The following EIF3H variants were observed in gnomAD, a reference collection of about 807,000 sequenced individuals.
The protein encoded by EIF3H is eIF-3-gamma.
In EIF3H, 26 loss-of-function variants were observed where a neutral mutation model predicts 44.2. The ratio of observed to expected loss-of-function variants is 0.59; its 90% confidence interval spans 0.43 to 0.82. The LOEUF (loss-of-function observed/expected upper bound fraction) is 0.82, where lower values mean the gene tolerates loss of function less well. Among genes scored for constraint, EIF3H ranks in the 40% least tolerant of loss-of-function variants. EIF3H has a pLI of 0.00. For synonymous variants in EIF3H, 166 were observed against 151.9 expected (o/e 1.09, Z -0.68); for missense variants, 359 against 432.8 (o/e 0.83, Z 1.51).
rs958631842 is a variant in EIF3H at position 116,644,106 on chromosome 8, C to T, written c.*900G>A. 1 of 152,106 alleles carries T rather than the reference C, an allele frequency of 6.6e-6. No individual in the cohort carries two copies. Among genetic ancestry groups the T allele is most frequent in the Non-Finnish European group, 1.5e-5 (1 of 68,032 alleles). 9.4% of individuals were successfully genotyped at this position (152,106 alleles called of 1,614,324 possible). A position where few individuals can be genotyped will look rare whatever the true frequency, so the allele number is the denominator to read the frequency against. On this transcript the variant is annotated 3_prime_UTR_variant, in exon 8 of 8. Coordinates refer to ENST00000521861, the MANE Select transcript of EIF3H (RefSeq NM_003756.3). Reference sequence around the variant, plus strand: ...TTCTTTTCTTTAAAATTTCTGTGGCCTGTCCAGGAGTGGTGGCTCATGCCT... The same window carrying T: ...TTCTTTTCTTTAAAATTTCTGTGGCTTGTCCAGGAGTGGTGGCTCATGCCT...
intron 5 of EIF3H, among the ~76,000 whole-genome samples, chr8:116,649,628 A>G (rs199672791): frequency 6.6e-6 from 1 of 152,206 alleles, no homozygotes; most frequent in African/African-American, 2.4e-5. Flanking sequence ...ATATATTTTT[A>G]AAATAGCAAG....
At chr8:116,709,596 C>A (rs1308561188) in intron 2 of EIF3H, among the ~76,000 whole-genome samples, 1 of 152,198 alleles carries the variant, frequency 6.6e-6, no homozygotes, top group Non-Finnish European at 1.5e-5. Flanking sequence ...GTCCTCTTAT[C>A]CATACACAAC....
rs201515861 is a variant in EIF3H at position 116,694,784 on chromosome 8, C to T, written c.289+31232G>A. Among the ~76,000 whole-genome samples, 540 of 152,192 alleles carry T rather than the reference C, an allele frequency of 3.5e-3. 4 individuals carry two copies. The highest frequency in any genetic ancestry group is 0.014 in the Middle Eastern group (4 of 294). On this transcript the variant is annotated intron_variant, in intron 2 of 7. Coordinates refer to ENST00000521861, the MANE Select transcript of EIF3H (RefSeq NM_003756.3). Reference sequence around the variant, plus strand: ...CTTCTACCAAAAGAAGTTTTCTTAACACTAAATTATCTTCAGGAGAGATGG... The same window carrying T: ...CTTCTACCAAAAGAAGTTTTCTTAATACTAAATTATCTTCAGGAGAGATGG...
At chr8:116,683,440 A>C (rs551848225) in intron 2 of EIF3H, among the ~76,000 whole-genome samples, 1 of 152,264 alleles carries the variant, frequency 6.6e-6, no homozygotes, top group East Asian at 1.9e-4. Context: ...GCCTCTTCTT[A>C]TAAGGACATG....
intron 2 of EIF3H, among the ~76,000 whole-genome samples, chr8:116,692,447 A>G (rs1003237542): frequency 6.6e-6 from 1 of 152,220 alleles, no homozygotes; most frequent in Non-Finnish European, 1.5e-5. Flanking sequence ...GACCAATTAA[A>G]TCTTCTAATT....
intron 5 of EIF3H, among the ~76,000 whole-genome samples, chr8:116,652,077 A>G (rs563166323): frequency 6.6e-6 from 1 of 152,350 alleles, no homozygotes; most frequent in African/African-American, 2.4e-5. Flanking sequence ...ATGTGTGAGA[A>G]GACAGACCCT....
intron 3 of EIF3H, chr8:116,658,187 A>G (rs1187160477): frequency 6.6e-6 from 1 of 152,136 alleles, no homozygotes; most frequent in Non-Finnish European, 1.5e-5. Flanking sequence ...ATTCATTAGT[A>G]TTTTTTCTGA....
chr8:116,682,156 A>G (rs1814001178), intron 2 of EIF3H, among the ~76,000 whole-genome samples: 3 of 152,230 alleles, frequency 2.0e-5, no homozygotes, highest in Admixed American at 1.3e-4. Flanking sequence ...CTATGCTCTC[A>G]GCAAAACCCA....
At chr8:116,689,409 A>G (rs553421308) in intron 2 of EIF3H, among the ~76,000 whole-genome samples, 8 of 152,324 alleles carry the variant, frequency 5.3e-5, no homozygotes, top group African/African-American at 1.7e-4. Context: ...ATAGAGTATA[A>G]TAATTACACC....
exon 1 of EIF3H, chr8:116,766,250 G>T (rs936251231): frequency 5.3e-5 from 11 of 209,458 alleles, no homozygotes; most frequent in African/African-American, 2.3e-4. Context: ...CTCTTGCTAC[G>T]CGCCTCTAAA....
upstream of EIF3H, among the ~76,000 whole-genome samples, chr8:116,760,703 T>C (rs1222789108): frequency 6.6e-6 from 1 of 152,214 alleles, no homozygotes; most frequent in Non-Finnish European, 1.5e-5. Flanking sequence ...CAATTATAAA[T>C]ACTAGACTTT....
At chr8:116,680,844 AAAT>A (rs201038368) in intron 2 of EIF3H, among the ~76,000 whole-genome samples, 81,604 of 128,372 alleles carry the variant, frequency 0.64, 24,122 homozygotes, top group Non-Finnish European at 0.7. Flanking sequence ...AATAATAAAT[AAAT>A]AAAAAAAAAG....
At chr8:116,661,912 C>T (rs1813592228) in intron 2 of EIF3H, among the ~76,000 whole-genome samples, 1 of 152,082 alleles carries the variant, frequency 6.6e-6, no homozygotes, top group Admixed American at 6.5e-5. Context: ...GTGGAGATAC[C>T]ACTCCTCCAA....
chr8:116,757,557 A>G (rs1314503451), upstream of EIF3H, among the ~76,000 whole-genome samples: 1 of 152,168 alleles, frequency 6.6e-6, no homozygotes, highest in Admixed American at 6.5e-5. Context: ...CAAGCTTTAC[A>G]AAGAGATACA....
chr8:116,695,045 A>C (rs1224874182), intron 2 of EIF3H, among the ~76,000 whole-genome samples: 2 of 152,058 alleles, frequency 1.3e-5, no homozygotes, highest in Non-Finnish European at 2.9e-5. Flanking sequence ...GTGCAAAAAA[A>C]ACTAAGGTAA....
chr8:116,752,795 G>GGGAGGGAAGGAAGGAA (rs1815380272), intron 1 of EIF3H, among the ~76,000 whole-genome samples: 2 of 80,364 alleles, frequency 2.5e-5, no homozygotes, highest in East Asian at 1.1e-3. Flanking sequence ...GAGGGAGGGA[G>GGGAGGGAAGGAAGGAA]GGAAGGAAGG....
At chr8:116,720,846 T>A (rs564820279) in intron 2 of EIF3H, among the ~76,000 whole-genome samples, 1 of 152,102 alleles carries the variant, frequency 6.6e-6, no homozygotes, top group Non-Finnish European at 1.5e-5. Context: ...GGGTATCTGG[T>A]GGAAAAAATT....
At chr8:116,715,037 T>C (rs376933743) in intron 2 of EIF3H, among the ~76,000 whole-genome samples, 4 of 152,062 alleles carry the variant, frequency 2.6e-5, no homozygotes, top group South Asian at 4.1e-4. Flanking sequence ...ATGTAAAACA[T>C]GACTAACTTG....
At chr8:116,737,431 C>T (rs552777089) in intron 1 of EIF3H, 2 of 355,382 alleles carry the variant, frequency 5.6e-6, no homozygotes, top group Admixed American at 4.1e-5. Flanking sequence ...TGAGGCAGAC[C>T]GATTACCTGA....
Sources: allele counts gnomAD v4.1 joint callset (sites outside exome capture counted in the v4.1 genomes callset), GRCh38; gene constraint gnomAD v4.1.1; transcripts MANE v1.5; gene names NCBI Gene and HGNC (gene_info 2026-07-23, HGNC 2026-07-21).